Variants in DCC observed in about 807,000 individuals in gnomAD.
DCC encodes netrin receptor DCC.
DCC carries 58 observed loss-of-function variants against 172.5 expected under a neutral mutation model. The ratio of observed to expected loss-of-function variants is 0.34; its 90% CI spans 0.27 to 0.42. DCC has a LOEUF of 0.42. DCC is among the 10% of genes least tolerant of loss of function. DCC has a pLI of 1.00. For missense variants in DCC, 1,740 were observed against 1,791.0 expected (o/e 0.97, Z 0.51); for synonymous variants, 709 against 644.5 (o/e 1.10, Z -1.52).
chr18:52,672,661 G>GCCCCCTTC (rs1479878012), intron 1 of DCC, among the ~76,000 whole-genome samples: 1 of 43,938 alleles, frequency 2.3e-5, no homozygotes, highest in Non-Finnish European at 4.8e-5. Flanking sequence ...CTTCCCCCTT[G>GCCCCCTTC]CCCCCTTCCC....
At position 52,393,296 on chromosome 18, in the gene DCC, G is replaced by A. The variant is rs186087308; in HGVS notation, c.91+52418G>A. 1.3e-4 allele frequency among the ~76,000 whole-genome samples: 20 copies of A among 152,160 alleles called. 1 individual carries two copies. The highest frequency in any genetic ancestry group is 2.0e-4 in the Admixed American group (3 of 15,268). ...GAATCTCATGGAATGTAGAGGGGAC[G>A]ATGCAGATATAGTTTGAAGAAAGCA... On this transcript the variant is annotated intron_variant, in intron 1 of 28. Coordinates refer to ENST00000442544, the MANE Select transcript of DCC (RefSeq NM_005215.4).
At chr18:52,932,293 C>G (rs1454585740) in intron 5 of DCC, among the ~76,000 whole-genome samples, 1 of 152,142 alleles carries the variant, frequency 6.6e-6, no homozygotes, top group Non-Finnish European at 1.5e-5. Context: ...CCATCCCCAA[C>G]TTTTACCCAG....
At chr18:52,608,593 T>A (rs1166281060) in intron 1 of DCC, among the ~76,000 whole-genome samples, 1 of 152,182 alleles carries the variant, frequency 6.6e-6, no homozygotes, top group Non-Finnish European at 1.5e-5. Flanking sequence ...AGATTTGATA[T>A]TACTTGTGGG....
intron 1 of DCC, among the ~76,000 whole-genome samples, chr18:52,447,414 C>T (rs1235855457): frequency 6.6e-6 from 1 of 152,112 alleles, no homozygotes; most frequent in Non-Finnish European, 1.5e-5. Flanking sequence ...GCCCACAGTG[C>T]AGTGGCAGAT....
intron 5 of DCC, among the ~76,000 whole-genome samples, chr18:53,044,001 A>G (rs768328212): frequency 4.6e-5 from 7 of 152,014 alleles, no homozygotes; most frequent in South Asian, 4.1e-4. Flanking sequence ...CTAATGGGTA[A>G]TGGCACTGAC....
chr18:53,400,974 TG>T (rs1909259316), intron 18 of DCC, among the ~76,000 whole-genome samples: 1 of 152,180 alleles, frequency 6.6e-6, no homozygotes, highest in South Asian at 2.1e-4. Flanking sequence ...CTTCCAGAAG[TG>T]GAAAATTCCT....
At chr18:53,169,442 A>C (rs909891784) in intron 8 of DCC, among the ~76,000 whole-genome samples, 5 of 152,160 alleles carry the variant, frequency 3.3e-5, no homozygotes, top group African/African-American at 1.2e-4. Context: ...GTGAATTTTC[A>C]TTGAGTAAAT....
chr18:53,512,891 G>T (rs1023308665), intron 27 of DCC, among the ~76,000 whole-genome samples: 1 of 152,132 alleles, frequency 6.6e-6, no homozygotes, highest in Non-Finnish European at 1.5e-5. Flanking sequence ...CACTCTGCAG[G>T]ATATTATCCA....
intron 12 of DCC, among the ~76,000 whole-genome samples, chr18:53,253,117 A>C (rs2056459481): frequency 6.6e-6 from 1 of 151,976 alleles, no homozygotes; most frequent in Non-Finnish European, 1.5e-5. Context: ...AAATGAGCTT[A>C]ATTCAACCAC....
chr18:52,851,617 C>T (rs2038976530), intron 2 of DCC, among the ~76,000 whole-genome samples: 1 of 149,878 alleles, frequency 6.7e-6, no homozygotes, highest in African/African-American at 2.4e-5. Flanking sequence ...CTAGTCTGCT[C>T]TTCTTTTCCA....
intron 8 of DCC, among the ~76,000 whole-genome samples, chr18:53,162,995 G>A (rs2054865706): frequency 6.6e-6 from 1 of 152,106 alleles, no homozygotes; most frequent in African/African-American, 2.4e-5. Context: ...CTACTGTGTG[G>A]AACTCTCCAT....
chr18:52,807,679 A>G (rs1332288114), intron 2 of DCC, among the ~76,000 whole-genome samples: 16 of 152,050 alleles, frequency 1.1e-4, no homozygotes, highest in Admixed American at 1.0e-3. Context: ...ATTCCACCAT[A>G]TTCTTCTCTT....
At chr18:53,007,663 T>G (rs1215934633) in intron 5 of DCC, among the ~76,000 whole-genome samples, 1 of 152,130 alleles carries the variant, frequency 6.6e-6, no homozygotes, top group Non-Finnish European at 1.5e-5. Flanking sequence ...TTACACAAAC[T>G]ACACATTTAT....
chr18:53,391,783 GTCAGCT>G lies in DCC; in HGVS notation c.2585_2590del (p.Val862_Trp864delinsGly). 6.2e-7 allele frequency: 1 copy of G among 1,613,980 alleles called. No homozygotes were observed. The highest frequency in any genetic ancestry group is 8.5e-7 in the Non-Finnish European group (1 of 1,179,886). On this transcript the variant is annotated inframe_deletion, in exon 17 of 29. Transcript: ENST00000442544. Reference sequence around the variant, plus strand: ...GGCTCTTACCCATGATGCTGTGAGGGTCAGCTGGGCAGACAACTCTGTCCCTAAGAA... The same window carrying G: ...GGCTCTTACCCATGATGCTGTGAGGGGGGCAGACAACTCTGTCCCTAAGAA...
chr18:53,311,329 G>T (rs926549230), intron 13 of DCC, among the ~76,000 whole-genome samples: 5 of 152,008 alleles, frequency 3.3e-5, no homozygotes, highest in African/African-American at 1.2e-4. Context: ...CGCCATTTTG[G>T]CCAGGCTGGT....
intron 2 of DCC, among the ~76,000 whole-genome samples, chr18:52,806,593 G>A (rs552258304): frequency 9.2e-5 from 14 of 152,160 alleles, no homozygotes; most frequent in Non-Finnish European, 1.8e-4. Context: ...CAGATAAAGG[G>A]CATCTTTAAT....
intron 2 of DCC, among the ~76,000 whole-genome samples, chr18:52,804,866 C>G (rs1298371447): frequency 6.6e-6 from 1 of 152,238 alleles, no homozygotes; most frequent in Middle Eastern, 3.4e-3. Context: ...ACGGACATGA[C>G]CTACTGCGCC....
intron 5 of DCC, among the ~76,000 whole-genome samples, chr18:53,052,125 T>A (rs2042342216): frequency 6.6e-6 from 1 of 152,104 alleles, no homozygotes; most frequent in Non-Finnish European, 1.5e-5. Flanking sequence ...ATTATGAGAC[T>A]TGTACTTTCT....
intron 15 of DCC, among the ~76,000 whole-genome samples, chr18:53,359,648 C>G (rs976013663): frequency 3.3e-5 from 5 of 152,122 alleles, no homozygotes; most frequent in African/African-American, 1.2e-4. Flanking sequence ...TTCACAATGT[C>G]TGCTCTAAAG....
Sources: gnomAD v4.1 joint callset for allele counts (sites outside exome capture counted in the v4.1 genomes callset) on GRCh38, gnomAD v4.1.1 for gene constraint, MANE v1.5 for transcripts, NCBI Gene and HGNC (gene_info 2026-07-23, HGNC 2026-07-21) for gene names.